DYNC2H1: variants seen among roughly 807,000 people sequenced by gnomAD.
DYNC2H1 encodes the protein cytoplasmic dynein 2 heavy chain 1.
DYNC2H1 carries 410 observed loss-of-function variants against 570.0 expected under a neutral mutation model. The observed-to-expected ratio is 0.72, with a 90% confidence interval of 0.66 to 0.78. The LOEUF (loss-of-function observed/expected upper bound fraction) is 0.78. Among genes scored for constraint, DYNC2H1 ranks in the 30% least tolerant of loss-of-function variants. The pLI is 0.00. For synonymous variants in DYNC2H1, 1,688 were observed against 1,677.6 expected (o/e 1.01, Z -0.15); for missense variants, 4,865 against 5,046.4 (o/e 0.96, Z 1.09).
intron 74 of DYNC2H1, 107 bp from the exon 75 acceptor site, chr11:103,287,426 T>C (rs1281979281): frequency 3.1e-5 from 27 of 869,832 alleles, no homozygotes; most frequent in Non-Finnish European, 4.1e-5. Flanking sequence ...TGATAAGTGT[T>C]CCCATATTTA....
In DYNC2H1 at chr11:103,133,704, A is replaced by G. The variant is rs1382194664; in HGVS notation, c.2103A>G (p.Glu701=). 10 of 1,596,096 alleles carry G rather than the reference A, an allele frequency of 6.3e-6. No individual in the cohort carries two copies. Among genetic ancestry groups the G allele is most frequent in the Non-Finnish European group, 8.5e-6 (10 of 1,170,628 alleles). Residue 701 remains glutamate (E), a synonymous_variant, in exon 14 of 89, where the codon GAA becomes GAG. Coordinates refer to ENST00000375735, the MANE Select transcript of DYNC2H1 (RefSeq NM_001377.3). The surrounding 1 kb of genome is among the most constrained non-coding windows in gnomAD (Gnocchi z 4.8). ...GAAAATGGCACACTACATTTTGTGAAAAGGTATATTTTGTTTATAAAATTG... is the reference window on the plus strand; with the variant it reads ...GAAAATGGCACACTACATTTTGTGAGAAGGTATATTTTGTTTATAAAATTG... The part of the protein sequence containing the change: ...KLRKWHTTFC[E]KVVVLMNIDL...
intron 84 of DYNC2H1, among the ~76,000 whole-genome samples, chr11:103,434,061 G>T (rs540178203): frequency 2.0e-5 from 3 of 152,154 alleles, no homozygotes; most frequent in African/African-American, 7.2e-5. Flanking sequence ...CTGAGCGCTG[G>T]ATTCTAACCT....
rs973680684 is a variant in DYNC2H1 at position 103,394,578 on chromosome 11, G to C, written c.12157-5085G>C. Among the ~76,000 whole-genome samples the C allele has an allele frequency of 4.0e-5, 6 of 151,856 alleles. No homozygotes were observed. In the South Asian group the frequency reaches 1.0e-3, roughly 26 times the overall value. On this transcript the variant is annotated intron_variant, in intron 83 of 88. Coordinates refer to ENST00000375735, the MANE Select transcript of DYNC2H1 (RefSeq NM_001377.3). ...AGGGAATAAAAAAGGAAAGAAAATA[G>C]CATTATGAGTTTGGTGAGTTCAAAG...
intron 20 of DYNC2H1, among the ~76,000 whole-genome samples, chr11:103,149,804 GGATT>G (rs1427497077): frequency 2.0e-5 from 3 of 149,854 alleles, no homozygotes; most frequent in African/African-American, 4.9e-5. Context: ...GAGCAAAAGA[GGATT>G]GAGAGAGAGA....
chr11:103,152,356 T>C (rs1271367077), intron 21 of DYNC2H1, 71 bp downstream of exon 21: 5 of 1,401,202 alleles, frequency 3.6e-6, no homozygotes, highest in Middle Eastern at 2.5e-4. Context: ...TTATCTTTTA[T>C]TCCTTTATAG....
At chr11:103,162,853 A>G (rs971808238) in intron 29 of DYNC2H1, among the ~76,000 whole-genome samples, 175 bp from the exon 30 acceptor site, 1 of 152,240 alleles carries the variant, frequency 6.6e-6, no homozygotes, top group African/African-American at 2.4e-5. Context: ...GAAAATAAAG[A>G]ATTATATTCC....
rs913119905 is a variant in DYNC2H1 at position 103,439,611 on chromosome 11, T to C, written c.12456+3579T>C. On this transcript the variant is annotated intron_variant, in intron 85 of 88. Coordinates refer to ENST00000375735, the MANE Select transcript of DYNC2H1 (RefSeq NM_001377.3). This position sits in a 1 kb window ranked among gnomAD's most constrained non-coding sequence, Gnocchi z 4.1. The stretch of plus-strand genomic sequence containing the variant: ...TGTGGCAAAAGGTTTAAGACTCCTC[T>C]GAATACTCTTAATTTAGAGCTATAG... Among the ~76,000 whole-genome samples, 18 of 152,084 alleles carry C rather than the reference T, an allele frequency of 1.2e-4. No homozygotes were observed. The highest frequency in any genetic ancestry group is 4.1e-4 in the African/African-American group (17 of 41,402).
intron 83 of DYNC2H1, among the ~76,000 whole-genome samples, chr11:103,388,423 T>A (rs1399187064): frequency 6.6e-6 from 1 of 152,250 alleles, no homozygotes; most frequent in Non-Finnish European, 1.5e-5. Flanking sequence ...TGAGGTTTTC[T>A]AGATATACAA....
intron 83 of DYNC2H1, among the ~76,000 whole-genome samples, chr11:103,361,608 G>T (rs1368553238): frequency 6.6e-6 from 1 of 152,180 alleles, no homozygotes; most frequent in Non-Finnish European, 1.5e-5. Context: ...GTAGAAGATG[G>T]TGAGAAAGTA....
intron 83 of DYNC2H1, among the ~76,000 whole-genome samples, chr11:103,365,182 A>G (rs1940846141): frequency 6.6e-6 from 1 of 151,982 alleles, no homozygotes; most frequent in South Asian, 2.1e-4. Flanking sequence ...ACAAACATGG[A>G]GAAACCCTGT....
At chr11:103,399,930 C>A in intron 84 of DYNC2H1, 58 bp downstream of exon 84, 1 of 1,384,556 alleles carries the variant, frequency 7.2e-7, no homozygotes, top group South Asian at 1.2e-5. Context: ...ACTCCTCCAT[C>A]ACACATATAT....
intron 70 of DYNC2H1, among the ~76,000 whole-genome samples, chr11:103,276,314 T>C (rs1342030320): frequency 2.0e-5 from 3 of 152,162 alleles, no homozygotes; most frequent in Non-Finnish European, 4.4e-5. Context: ...GGTCTTTTCA[T>C]TGTATGTATG....
chr11:103,236,437 T>A lies in DYNC2H1; in HGVS notation c.9717T>A (p.Asp3239Glu). 1 of 1,591,138 alleles carries A rather than the reference T, an allele frequency of 6.3e-7. No individual in the cohort carries two copies. The highest frequency in any genetic ancestry group is 1.7e-5 in the Admixed American group (1 of 59,758). The change falls in exon 63 of 89, where the codon GAT (aspartate) becomes GAA (glutamate). Residue 3239 changes from aspartate to glutamate, a missense_variant. By Grantham distance (45) the Asp-to-Glu change is conservative. Transcript: ENST00000375735. Reference sequence around the variant, plus strand: ...ATATCTTCAACTTTTCAGAATTTGATCTGAGGAGATTTCTTTGTACTGAAA... The same window carrying A: ...ATATCTTCAACTTTTCAGAATTTGAACTGAGGAGATTTCTTTGTACTGAAA... ...WTKSAGLEKF[D>E]LRRFLCTESE...
At chr11:103,466,302 A>G (rs938501134) in intron 87 of DYNC2H1, among the ~76,000 whole-genome samples, 4 of 152,232 alleles carry the variant, frequency 2.6e-5, no homozygotes, top group Non-Finnish European at 4.4e-5. Flanking sequence ...AAGGTTTAAA[A>G]AGTTACAGAA....
chr11:103,411,136 C>G (rs1406712567), intron 84 of DYNC2H1, among the ~76,000 whole-genome samples: 2 of 152,036 alleles, frequency 1.3e-5, no homozygotes, highest in Non-Finnish European at 2.9e-5. Flanking sequence ...ATAAATACTT[C>G]AGCGTAAAGT....
At chr11:103,190,110 A>G (rs1862235202) in intron 45 of DYNC2H1, among the ~76,000 whole-genome samples, 1 of 152,186 alleles carries the variant, frequency 6.6e-6, no homozygotes, top group African/African-American at 2.4e-5. Flanking sequence ...CTTCTTTCCC[A>G]AAACAGATCT....
intron 15 of DYNC2H1, 113 bp downstream of exon 15, chr11:103,134,532 T>A (rs1302433833): frequency 3.4e-6 from 2 of 594,820 alleles, no homozygotes; most frequent in Non-Finnish European, 5.3e-6. Flanking sequence ...ATCTTACTAA[T>A]AAATACCTAA....
chr11:103,342,508 C>CT (rs3076506), intron 82 of DYNC2H1, among the ~76,000 whole-genome samples: 6,378 of 144,528 alleles, frequency 0.044, 267 homozygotes, highest in East Asian at 0.2. Flanking sequence ...TCTGTGCCAC[C>CT]TTTTTTTTTT....
At position 103,197,990 on chromosome 11, in the gene DYNC2H1, G is replaced by T; in HGVS notation, c.7766G>T (p.Gly2589Val). Residue 2589 changes from glycine to valine, a missense_variant, in exon 48 of 89, where the codon GGA (glycine) becomes GTA (valine). Coordinates refer to ENST00000375735, the MANE Select transcript of DYNC2H1 (RefSeq NM_001377.3). ...AATTCAGGAGCAAGGGCAGCCCCAG[G>T]ACAACCATTACCTCCACATGGAAAA... ...RHNSGARAAPGQPLPPHGKPL... is the reference protein window; with the variant it reads ...RHNSGARAAPVQPLPPHGKPL... The T allele has an allele frequency of 6.4e-7, 1 of 1,564,942 alleles. No individual in the cohort carries two copies. The highest frequency in any genetic ancestry group is 2.4e-5 in the East Asian group (1 of 42,116).
Sources: allele counts gnomAD v4.1 joint callset (sites outside exome capture counted in the v4.1 genomes callset), GRCh38; gene constraint gnomAD v4.1.1; non-coding constraint Gnocchi (gnomAD v3.1); transcripts MANE v1.5; gene names NCBI Gene and HGNC (gene_info 2026-07-23, HGNC 2026-07-21).